The following CCDC178 variants were observed in gnomAD, a reference collection of about 807,000 sequenced individuals.
CCDC178 encodes coiled-coil domain-containing protein 178.
CCDC178 carries 126 observed loss-of-function variants against 117.4 expected under a neutral mutation model. The observed-to-expected ratio is 1.07, with a 90% CI of 0.93 to 1.24. CCDC178 has a LOEUF of 1.24. Among genes scored for constraint, CCDC178 ranks in the 50% most tolerant of loss-of-function variants. CCDC178 has a pLI of 0.00. For missense variants in CCDC178, 1,030 were observed against 986.9 expected (o/e 1.04, Z -0.59); for synonymous variants, 283 against 313.4 (o/e 0.90, Z 1.02).
chr18:33,393,032 C>T (rs971791773), intron 4 of CCDC178, among the ~76,000 whole-genome samples: 1 of 152,008 alleles, frequency 6.6e-6, no homozygotes, highest in South Asian at 2.1e-4. Context: ...ATGGTCTTCC[C>T]GTGAATAATT....
chr18:33,187,114 A>C (rs112158108), intron 20 of CCDC178, among the ~76,000 whole-genome samples: 73 of 150,270 alleles, frequency 4.9e-4, no homozygotes, highest in East Asian at 3.1e-3. Flanking sequence ...AGAGAGAGAG[A>C]GACTGAGAGA....
chr18:33,256,986 T>C (rs1162154498), intron 14 of CCDC178, among the ~76,000 whole-genome samples: 1 of 152,142 alleles, frequency 6.6e-6, no homozygotes, highest in Non-Finnish European at 1.5e-5. Flanking sequence ...ATTTATTTAT[T>C]TGAAATTTTT....
At chr18:33,146,280 C>A (rs1227602014) in intron 20 of CCDC178, among the ~76,000 whole-genome samples, 1 of 152,126 alleles carries the variant, frequency 6.6e-6, no homozygotes, top group African/African-American at 2.4e-5. Flanking sequence ...ATACCTCAGT[C>A]TGAAAGCAGA....
intron 10 of CCDC178, among the ~76,000 whole-genome samples, chr18:33,324,577 C>A (rs1304655976): frequency 1.3e-5 from 2 of 151,876 alleles, no homozygotes; most frequent in African/African-American, 4.8e-5. Context: ...AAACTCTTTC[C>A]AGCATTTTAT....
intron 5 of CCDC178, among the ~76,000 whole-genome samples, chr18:33,382,449 T>A (rs932074459): frequency 2.0e-5 from 3 of 151,788 alleles, no homozygotes; most frequent in Admixed American, 6.6e-5. Flanking sequence ...AAGACCAACA[T>A]GGAAGGTGGG....
intron 20 of CCDC178, among the ~76,000 whole-genome samples, chr18:33,093,377 C>G (rs1229457348): frequency 1.3e-5 from 2 of 151,804 alleles, no homozygotes; most frequent in Non-Finnish European, 2.9e-5. Flanking sequence ...TTGGTACCCA[C>G]AGAAAACATT....
At chr18:33,238,538 G>A (rs955533509) in intron 15 of CCDC178, among the ~76,000 whole-genome samples, 1 of 151,980 alleles carries the variant, frequency 6.6e-6, no homozygotes, top group Admixed American at 6.6e-5. Flanking sequence ...TTCAATAATA[G>A]ACTAGTACAA....
chr18:33,122,237 T>G (rs963381007), intron 20 of CCDC178, among the ~76,000 whole-genome samples: 1 of 152,152 alleles, frequency 6.6e-6, no homozygotes, highest in African/African-American at 2.4e-5. Context: ...ATCTCCTTGC[T>G]GGGGATGACT....
At chr18:32,994,240 T>C (rs2055455589) in intron 21 of CCDC178, among the ~76,000 whole-genome samples, 1 of 152,174 alleles carries the variant, frequency 6.6e-6, no homozygotes, top group South Asian at 2.1e-4. Context: ...TTACTGCCAT[T>C]ACTTGATTTT....
At chr18:33,190,615 C>T (rs2058846063) in intron 20 of CCDC178, among the ~76,000 whole-genome samples, 1 of 152,162 alleles carries the variant, frequency 6.6e-6, no homozygotes, top group African/African-American at 2.4e-5. Flanking sequence ...AGATAAGTTG[C>T]ATATTTCCAA....
intron 20 of CCDC178, among the ~76,000 whole-genome samples, chr18:33,196,471 G>C (rs2058931025): frequency 6.6e-6 from 1 of 152,074 alleles, no homozygotes; most frequent in Non-Finnish European, 1.5e-5. Flanking sequence ...ACTAATTATA[G>C]ACAGCACTTT....
At chr18:33,036,871 C>G (rs1270386323) in intron 21 of CCDC178, among the ~76,000 whole-genome samples, 1 of 151,782 alleles carries the variant, frequency 6.6e-6, no homozygotes, top group Non-Finnish European at 1.5e-5. Context: ...AAAAATGACA[C>G]CTATATAAAC....
At chr18:33,421,921 C>T (rs906884501) in intron 2 of CCDC178, among the ~76,000 whole-genome samples, 3 of 152,168 alleles carry the variant, frequency 2.0e-5, no homozygotes. Flanking sequence ...TCCCACTTCT[C>T]TCTTTTGAAA....
At chr18:33,179,087 A>ATATATATATATATATATATATAAAC (rs1555656285) in intron 20 of CCDC178, among the ~76,000 whole-genome samples, 19 of 95,514 alleles carry the variant, frequency 2.0e-4, no homozygotes, top group Non-Finnish European at 3.5e-4. Context: ...AAATATATAT[A>ATATATATATATATATATATATAAAC]TATATATATA....
chr18:33,101,581 C>T (rs777488239), intron 20 of CCDC178, among the ~76,000 whole-genome samples: 40 of 151,910 alleles, frequency 2.6e-4, no homozygotes, highest in Admixed American at 9.2e-4. Flanking sequence ...GTGCTGCCTT[C>T]TTGGCCCATG....
chr18:33,000,816 C>T (rs953086729), intron 21 of CCDC178, among the ~76,000 whole-genome samples: 3 of 151,992 alleles, frequency 2.0e-5, no homozygotes, highest in Admixed American at 6.6e-5. Flanking sequence ...ACAAGAAATG[C>T]TAAGGAAGTA....
chr18:33,245,122 G>C (rs1463846000), intron 15 of CCDC178, 123 bp downstream of exon 15: 2 of 919,432 alleles, frequency 2.2e-6, no homozygotes, highest in African/African-American at 1.7e-5. Flanking sequence ...TTTATAAGAA[G>C]TGAGTTTTTG....
At chr18:32,980,487 C>T (rs1243928023) in intron 21 of CCDC178, among the ~76,000 whole-genome samples, 5 of 138,526 alleles carry the variant, frequency 3.6e-5, no homozygotes, top group Non-Finnish European at 4.6e-5. Context: ...AGGAGAATGG[C>T]GTGAACCCGG....
At chr18:33,310,324 G>A (rs1357791388) in intron 11 of CCDC178, among the ~76,000 whole-genome samples, 1 of 152,078 alleles carries the variant, frequency 6.6e-6, no homozygotes, top group Non-Finnish European at 1.5e-5. Flanking sequence ...GATGGCCTGT[G>A]TATGTCATGA....
Sources: allele counts gnomAD v4.1 joint callset (sites outside exome capture counted in the v4.1 genomes callset), GRCh38; gene constraint gnomAD v4.1.1; transcripts MANE v1.5; gene names NCBI Gene and HGNC (gene_info 2026-07-23, HGNC 2026-07-21).